ADGRL1: variants seen among roughly 807,000 people sequenced by gnomAD.
The protein encoded by ADGRL1 is adhesion G protein-coupled receptor L1, also known as CIRL-1.
In ADGRL1, 31 loss-of-function variants were observed where a neutral mutation model predicts 148.9. The ratio of observed to expected loss-of-function variants is 0.21; its 90% CI spans 0.16 to 0.28. The LOEUF is 0.28. Ranked by LOEUF, ADGRL1 falls within the 10% of genes least tolerant of loss-of-function variation. ADGRL1 has a pLI of 1.00. For missense variants in ADGRL1, 1,521 were observed against 2,058.8 expected, an observed-to-expected ratio of 0.74 and a Z score of 5.05; for synonymous variants, 937 against 900.3, an observed-to-expected ratio of 1.04 and a Z score of -0.73.
chr19:14,199,869 G>C (rs1972488565), intron 1 of ADGRL1, among the ~76,000 whole-genome samples: 1 of 152,052 alleles, frequency 6.6e-6, no homozygotes, highest in African/African-American at 2.4e-5. Flanking sequence ...GATTAGCTGG[G>C]ACTACAGGCA....
rs1599371726 is a variant in ADGRL1 at position 14,149,464 on chromosome 19, G to A, written c.*1409C>T. The A allele has an allele frequency of 6.5e-6, 1 of 153,352 alleles. No homozygotes were observed. Among genetic ancestry groups the A allele is most frequent in the Middle Eastern group, 3.4e-3 (1 of 298 alleles). The allele number at this position is 153,352 out of a possible 1,614,324, so 9.5% of individuals were successfully genotyped here. On this transcript the variant is annotated 3_prime_UTR_variant, in exon 23 of 23. Transcript: ENST00000361434. Reference sequence around the variant, plus strand: ...ATCAACCTCTCTAGGTGGGAAATCAGCCCCATCTTCCCCGGCGAGAGTCCC... The same window carrying A: ...ATCAACCTCTCTAGGTGGGAAATCAACCCCATCTTCCCCGGCGAGAGTCCC...
chr19:14,150,854 C>G lies in ADGRL1; in HGVS notation c.*19G>C, dbSNP rs1011567838. 3.7e-6 allele frequency: 6 copies of G among 1,608,282 alleles called. No homozygotes were observed. The highest frequency in any genetic ancestry group is 2.7e-5 in the African/African-American group (2 of 74,802). On this transcript the variant is annotated 3_prime_UTR_variant, in exon 23 of 23. Transcript: ENST00000361434. Reference sequence around the variant, plus strand: ...CCCTCCCTGGCCTGGGCCACCAGCCCCTGGTCCATGAGGTGCCCTCAGAGA... The same window carrying G: ...CCCTCCCTGGCCTGGGCCACCAGCCGCTGGTCCATGAGGTGCCCTCAGAGA...
chr19:14,161,316 A>G lies in ADGRL1; in HGVS notation c.1506T>C (p.Thr502=), dbSNP rs1184186908. 2 of 1,585,486 alleles carry G rather than the reference A, an allele frequency of 1.3e-6. No homozygotes were observed. The highest frequency in any genetic ancestry group is 1.8e-4 in the Middle Eastern group (1 of 5,638). Residue 502 remains threonine, a synonymous_variant, in exon 6 of 23, where the codon ACT becomes ACC. Transcript: ENST00000361434. This position sits in a 1 kb window ranked among gnomAD's most constrained non-coding sequence, Gnocchi z 4.4. ...GGCTGCAGCCTCTGTACTCACCTCG[A>G]GTCCCCTTGGGGCAGGGCCTCTCCA... ...MLVERPCPKG[T]RGIASFQCLP...
chr19:14,196,329 C>G (rs113212185), intron 1 of ADGRL1, among the ~76,000 whole-genome samples: 13 of 152,314 alleles, frequency 8.5e-5, no homozygotes, highest in African/African-American at 3.1e-4. Context: ...TACAAAGGCT[C>G]TGCACTGGGC....
rs749814143 is a variant in ADGRL1 at position 14,163,360 on chromosome 19, C to A, written c.441G>T (p.Ser147=). 12 of 1,598,148 alleles carry A rather than the reference C, an allele frequency of 7.5e-6. No homozygotes were observed. Among genetic ancestry groups the A allele is most frequent in the Non-Finnish European group, 1.0e-5 (12 of 1,173,460 alleles). ...CAGACTGGTGCTCTGACTCGTGTGTCGAGGTGGGCTCCAGCACCTTCTGCA... is the reference window on the plus strand; with the variant it reads ...CAGACTGGTGCTCTGACTCGTGTGTAGAGGTGGGCTCCAGCACCTTCTGCA... ...GTLQKVLEPT[S]THESEHQSGA... Residue 147 remains serine (S), a synonymous_variant, in exon 5 of 23, where the codon TCG becomes TCT. Transcript: ENST00000361434.
At chr19:14,183,071 C>T (rs956032127) in intron 2 of ADGRL1, among the ~76,000 whole-genome samples, 5 of 152,030 alleles carry the variant, frequency 3.3e-5, no homozygotes, top group Non-Finnish European at 5.9e-5. Flanking sequence ...CTAATAGTGG[C>T]GTGTGCAGGA....
chr19:14,156,024 AC>A, intron 17 of ADGRL1, 85 bp downstream of exon 17: 1 of 993,864 alleles, frequency 1.0e-6, no homozygotes, highest in Non-Finnish European at 1.5e-6. Flanking sequence ...TGACAGCACT[AC>A]CTTTTAGGAC....
chr19:14,152,490 G>A lies in ADGRL1; in HGVS notation c.3520+27C>T. The A allele has an allele frequency of 1.2e-6, 2 of 1,612,640 alleles. No homozygotes were observed. The highest frequency in any genetic ancestry group is 1.7e-6 in the Non-Finnish European group (2 of 1,178,778). On this transcript the variant is annotated intron_variant, in intron 20 of 22. Coordinates refer to ENST00000361434, the MANE Select transcript of ADGRL1 (RefSeq NM_014921.5). The surrounding 1 kb of genome is among the most constrained non-coding windows in gnomAD (Gnocchi z 6.1). ...CAGCCGGGAGCCTCCAGAGACTGAA[G>A]CCAGAGGCAGAAGGATGCCTTCTCA...
At position 14,151,504 on chromosome 19, in the gene ADGRL1, C is replaced by A. The variant is rs746713337; in HGVS notation, c.3779G>T (p.Gly1260Val). 1.9e-6 allele frequency: 3 copies of A among 1,610,192 alleles called. No individual in the cohort carries two copies. Among genetic ancestry groups the A allele is most frequent in the Non-Finnish European group, 2.5e-6 (3 of 1,178,630 alleles). The part of the protein sequence containing the change: ...RSGDFPPGDG[G>V]PEPPRGRNLA... Reference sequence around the variant, plus strand: ...GTTCCGGCCTCGGGGCGGCTCAGGGCCCCCATCCCCGGGAGGGAAATCCCC... The same window carrying A: ...GTTCCGGCCTCGGGGCGGCTCAGGGACCCCATCCCCGGGAGGGAAATCCCC... Residue 1260 changes from glycine (G) to valine (V), a missense_variant, in exon 23 of 23, where the codon GGC becomes GTC. Coordinates refer to ENST00000361434, the MANE Select transcript of ADGRL1 (RefSeq NM_014921.5).
Position 14,156,928 on chromosome 19 carries a change from T to C in ADGRL1, c.2963A>G (p.Lys988Arg), listed in dbSNP as rs1331074803. ...GGGCTGGGAGGTGGAAACTCACGCC[T>C]TCTCGGTGCCGTAGCTGCGGTAGTC... ...AIDYRSYGTE[K>R]ACWLRVDNYF... is the part of the protein sequence containing the mutation. Residue 988 changes from lysine (K) to arginine (R), a missense_variant, in exon 15 of 23, where the codon AAG (lysine) becomes AGG (arginine). Physicochemically the swap from Lys to Arg is conservative, Grantham distance 26. This residue lies in a region of ADGRL1 where 185 missense variants were observed against 251.7 expected (regional missense o/e 0.74). Coordinates refer to ENST00000361434, the MANE Select transcript of ADGRL1 (RefSeq NM_014921.5). 2 of 1,609,310 alleles carry C rather than the reference T, an allele frequency of 1.2e-6. No individual in the cohort carries two copies. The highest frequency in any genetic ancestry group is 2.7e-5 in the African/African-American group (2 of 74,652).
Position 14,155,234 on chromosome 19 carries a change from C to G in ADGRL1, c.3294+125G>C. On this transcript the variant is annotated intron_variant, in intron 18 of 22. Transcript: ENST00000361434. This position sits in a 1 kb window ranked among gnomAD's most constrained non-coding sequence, Gnocchi z 5.0. The stretch of plus-strand genomic sequence containing the variant: ...GTGGACGCAGACCTGACCACAGAAG[C>G]CCTGCAGCACTCACTGGGGGCTTGA... The G allele has an allele frequency of 8.9e-7, 1 of 1,126,118 alleles. No individual in the cohort carries two copies. Among genetic ancestry groups the G allele is most frequent in the Non-Finnish European group, 1.3e-6 (1 of 783,536 alleles). 69.8% of individuals were successfully genotyped at this position (1,126,118 alleles called of 1,614,324 possible). A position where few individuals can be genotyped will look rare whatever the true frequency, so the allele number is the denominator to read the frequency against.
rs1317008719 is a variant in ADGRL1 at position 14,150,218 on chromosome 19, GGGGGCAGGTTTGCTTGC to G, written c.*638_*654del. 1.3e-5 allele frequency: 2 copies of G among 152,834 alleles called. No individual in the cohort carries two copies. Among genetic ancestry groups the G allele is most frequent in the African/African-American group, 4.8e-5 (2 of 41,422 alleles). The allele number at this position is 152,834 out of a possible 1,614,324, so 9.5% of individuals were successfully genotyped here. ...GTCATTGGGTGCACTGGGAGGCAGAGGGGGCAGGTTTGCTTGCGGGGCAGGGACCAAGAGCAAGGGGA... is the reference window on the plus strand; with the variant it reads ...GTCATTGGGTGCACTGGGAGGCAGAGGGGGCAGGGACCAAGAGCAAGGGGA... On this transcript the variant is annotated 3_prime_UTR_variant, in exon 23 of 23. Coordinates refer to ENST00000361434, the MANE Select transcript of ADGRL1 (RefSeq NM_014921.5).
chr19:14,173,599 C>T (rs887641390), intron 3 of ADGRL1, among the ~76,000 whole-genome samples: 1 of 152,090 alleles, frequency 6.6e-6, no homozygotes, highest in Non-Finnish European at 1.5e-5. Context: ...ACGTTCACAG[C>T]TGCATTATTC....
Position 14,155,608 on chromosome 19 carries a change from G to A in ADGRL1, c.3126-81C>T, listed in dbSNP as rs910254793. The A allele has an allele frequency of 7.6e-5, 111 of 1,451,082 alleles. No homozygotes were observed. Among genetic ancestry groups the A allele is most frequent in the Non-Finnish European group, 9.8e-5 (104 of 1,058,536 alleles). The allele number at this position is 1,451,082 out of a possible 1,614,324, so 89.9% of individuals were successfully genotyped here. A position where few individuals can be genotyped will look rare whatever the true frequency, so the allele number is the denominator to read the frequency against. On this transcript the variant is annotated intron_variant, in intron 17 of 22. Transcript: ENST00000361434. This position sits in a 1 kb window ranked among gnomAD's most constrained non-coding sequence, Gnocchi z 5.0. ...CCAGGCCTCCCCTGCAGCCTACAACGGGGGCCCTTGGGTGGGCCTGGGCAC... is the reference window on the plus strand; with the variant it reads ...CCAGGCCTCCCCTGCAGCCTACAACAGGGGCCCTTGGGTGGGCCTGGGCAC...
intron 4 of ADGRL1, among the ~76,000 whole-genome samples, chr19:14,167,412 C>T (rs1970083201): frequency 6.6e-6 from 1 of 151,918 alleles, no homozygotes; most frequent in African/African-American, 2.4e-5. Flanking sequence ...GTAGGGAGCC[C>T]CAGCTGGGAG....
Position 14,152,952 on chromosome 19 carries a change from C to G in ADGRL1, c.3295-40G>C, listed in dbSNP as rs759367547. The G allele has an allele frequency of 1.7e-5, 28 of 1,607,142 alleles. No homozygotes were observed. Among genetic ancestry groups the G allele is most frequent in the Non-Finnish European group, 2.3e-5 (27 of 1,177,216 alleles). Reference sequence around the variant, plus strand: ...ACAGTCAGCTGGCTGGGACACTGGCCTCCTCTGTGATCCAGTCTCCCACAG... The same window carrying G: ...ACAGTCAGCTGGCTGGGACACTGGCGTCCTCTGTGATCCAGTCTCCCACAG... On this transcript the variant is annotated intron_variant, in intron 18 of 22. Coordinates refer to ENST00000361434, the MANE Select transcript of ADGRL1 (RefSeq NM_014921.5). The surrounding 1 kb of genome is among the most constrained non-coding windows in gnomAD (Gnocchi z 6.1).
rs757154022 is a variant in ADGRL1 at position 14,161,630 on chromosome 19, G to A, written c.1196-4C>T. On this transcript the variant is annotated splice_polypyrimidine_tract_variant and splice_region_variant and intron_variant, in intron 5 of 22. Coordinates refer to ENST00000361434, the MANE Select transcript of ADGRL1 (RefSeq NM_014921.5). The surrounding 1 kb of genome is among the most constrained non-coding windows in gnomAD (Gnocchi z 4.4). ...AGGGGTGGGGAAGTGGCTGGGCCTG[G>A]AGAGGGGATACGAGACAGGGTCATC... 6.8e-5 allele frequency: 95 copies of A among 1,405,108 alleles called. No homozygotes were observed. In the South Asian group the frequency reaches 1.4e-3, roughly 21 times the overall value. The allele number at this position is 1,405,108 out of a possible 1,614,324, so 87.0% of individuals were successfully genotyped here.
rs1267826476 is a variant in ADGRL1, at chr19:14,152,772, C to T, written c.3423+12G>A. Reference sequence around the variant, plus strand: ...AACACTCAGCCCCAGGGAGTCCTGTCTGGCCCGATACCTGGGTCCCTGTGT... The same window carrying T: ...AACACTCAGCCCCAGGGAGTCCTGTTTGGCCCGATACCTGGGTCCCTGTGT... On this transcript the variant is annotated intron_variant, in intron 19 of 22. Coordinates refer to ENST00000361434, the MANE Select transcript of ADGRL1 (RefSeq NM_014921.5). The surrounding 1 kb of genome is among the most constrained non-coding windows in gnomAD (Gnocchi z 6.1). The T allele has an allele frequency of 6.2e-7, 1 of 1,613,738 alleles. No homozygotes were observed.
At chr19:14,173,578 G>A (rs954764102) in intron 3 of ADGRL1, among the ~76,000 whole-genome samples, 2 of 152,094 alleles carry the variant, frequency 1.3e-5, no homozygotes, top group African/African-American at 2.4e-5. Flanking sequence ...TAAGCAAATC[G>A]TTGTACACGC....
Sources: allele counts gnomAD v4.1 joint callset (sites outside exome capture counted in the v4.1 genomes callset), GRCh38; gene constraint gnomAD v4.1.1; regional missense constraint gnomAD v4.1.1; non-coding constraint Gnocchi (gnomAD v3.1); transcripts MANE v1.5; gene names NCBI Gene and HGNC (gene_info 2026-07-23, HGNC 2026-07-21).